Variants in WFDC1 observed in about 807,000 individuals in gnomAD.
WFDC1 encodes WAP four-disulfide core domain 1.
A neutral mutation model predicts 32.9 loss-of-function variants in WFDC1; 39 were observed. The ratio of observed to expected loss-of-function variants is 1.19; its 90% CI spans 0.92 to 1.55. WFDC1 has a LOEUF of 1.55. WFDC1 is among the 40% of genes most tolerant of loss of function. WFDC1 has a pLI of 0.00. For missense variants in WFDC1, 386 were observed against 309.5 expected, an observed-to-expected ratio of 1.25 and a Z score of -1.85; for synonymous variants, 184 against 137.4, an observed-to-expected ratio of 1.34 and a Z score of -2.37.
intron 1 of WFDC1, among the ~76,000 whole-genome samples, chr16:84,310,822 A>G (rs1460965729): frequency 6.6e-6 from 1 of 152,166 alleles, no homozygotes; most frequent in Non-Finnish European, 1.5e-5. Flanking sequence ...CCAACACCTT[A>G]AAGGCAGGTT....
intron 4 of WFDC1, among the ~76,000 whole-genome samples, chr16:84,320,053 G>T (rs1211110229): frequency 6.6e-6 from 1 of 152,182 alleles, no homozygotes; most frequent in South Asian, 2.1e-4. Flanking sequence ...TAGACTTTAC[G>T]CTGGTGCAGA....
chr16:84,313,301 G>A (rs932488500), intron 2 of WFDC1, 148 bp downstream of exon 2: 2 of 658,682 alleles, frequency 3.0e-6, no homozygotes, highest in African/African-American at 1.9e-5. Flanking sequence ...GAACTGGGAC[G>A]GGCGCTCCTT....
intron 4 of WFDC1, among the ~76,000 whole-genome samples, chr16:84,321,325 T>C (rs931491990): frequency 2.0e-5 from 3 of 152,232 alleles, no homozygotes; most frequent in Non-Finnish European, 4.4e-5. Flanking sequence ...ACTGCTTGTC[T>C]CTAGACACTC....
intron 4 of WFDC1, among the ~76,000 whole-genome samples, chr16:84,322,145 C>CTGTGTGTGTGTGTG (rs751867533): frequency 7.3e-5 from 8 of 109,456 alleles, no homozygotes; most frequent in South Asian, 2.8e-4. Context: ...GCCTCAGAGC[C>CTGTGTGTGTGTGTG]TGTGTGTGTG....
chr16:84,298,717 C>T (rs372214154), intron 1 of WFDC1, among the ~76,000 whole-genome samples: 4 of 152,192 alleles, frequency 2.6e-5, no homozygotes, highest in African/African-American at 4.8e-5. Flanking sequence ...TTTTGTGTAG[C>T]GGACTGGTCT....
intron 4 of WFDC1, 87 bp from the exon 5 acceptor site, chr16:84,324,330 AAC>A: frequency 2.4e-6 from 3 of 1,262,380 alleles, no homozygotes; most frequent in East Asian, 4.6e-5. Context: ...GAGACTGAAA[AAC>A]ACAAGTAATT....
At chr16:84,314,947 C>A (rs1907862511) in intron 2 of WFDC1, among the ~76,000 whole-genome samples, 2 of 152,254 alleles carry the variant, frequency 1.3e-5, no homozygotes, top group Non-Finnish European at 2.9e-5. Flanking sequence ...CATCTCGTTT[C>A]ACGCTCACAC....
intron 1 of WFDC1, among the ~76,000 whole-genome samples, chr16:84,312,021 C>T (rs927027520): frequency 6.6e-6 from 1 of 151,872 alleles, no homozygotes; most frequent in Admixed American, 6.6e-5. Flanking sequence ...CAAAATTAGC[C>T]GGGTGTGGTG....
chr16:84,324,666 C>G (rs1908484884), intron 5 of WFDC1, among the ~76,000 whole-genome samples: 1 of 152,218 alleles, frequency 6.6e-6, no homozygotes, highest in African/African-American at 2.4e-5. Context: ...AACATGACCT[C>G]ATGCTGAAGA....
intron 1 of WFDC1, among the ~76,000 whole-genome samples, chr16:84,298,203 G>C (rs1447895653): frequency 6.6e-6 from 1 of 151,906 alleles, no homozygotes; most frequent in Non-Finnish European, 1.5e-5. Flanking sequence ...CACCTCCCCG[G>C]CTCAAGTGAT....
Position 84,313,100 on chromosome 16 carries a change from G to T in WFDC1, c.284G>T (p.Cys95Phe). 1 of 1,438,014 alleles carries T rather than the reference G, an allele frequency of 7.0e-7. No homozygotes were observed. The allele number at this position is 1,438,014 out of a possible 1,614,324, so 89.1% of individuals were successfully genotyped here. A position where few individuals can be genotyped will look rare whatever the true frequency, so the allele number is the denominator to read the frequency against. ...TCCGAGTGCCCGCGGCACCGGCGCT[G>T]CTGCTACAACGGATGCGCCTACGCC... ...ADSECPRHRR[C>F]CYNGCAYACL... is the part of the protein sequence containing the mutation. The change falls in exon 2 of 7, where the codon TGC becomes TTC. Residue 95 changes from cysteine to phenylalanine, a missense_variant. Transcript: ENST00000219454.
intron 3 of WFDC1, 97 bp from the exon 4 acceptor site, chr16:84,319,334 C>T: frequency 1.3e-6 from 2 of 1,517,520 alleles, no homozygotes; most frequent in South Asian, 1.2e-5. Context: ...GAGGTGCGTT[C>T]CCTGCACCCG....
intron 5 of WFDC1, chr16:84,325,885 T>A (rs56016445): frequency 0.59 from 88,784 of 151,724 alleles, 26,586 homozygotes; most frequent in East Asian, 0.71. Flanking sequence ...CATTCATCCA[T>A]TCATGCACAT....
At chr16:84,315,198 C>G (rs1250053147) in intron 2 of WFDC1, among the ~76,000 whole-genome samples, 1 of 152,222 alleles carries the variant, frequency 6.6e-6, no homozygotes, top group Admixed American at 6.5e-5. Context: ...TCCCATGGCT[C>G]ACTTCCTTGC....
At chr16:84,299,033 C>T (rs1452578079) in intron 1 of WFDC1, among the ~76,000 whole-genome samples, 1 of 152,184 alleles carries the variant, frequency 6.6e-6, no homozygotes, top group Non-Finnish European at 1.5e-5. Flanking sequence ...GCATTCCCTA[C>T]ATGTGCACTA....
Position 84,329,503 on chromosome 16 carries a change from A to G in WFDC1, c.*197A>G, listed in dbSNP as rs1227508877. ...CTGGTTGGGTGACTTTGTGGGAGCCACTTAACAGCTCTGGGTCCCTGTTTT... is the reference window on the plus strand; with the variant it reads ...CTGGTTGGGTGACTTTGTGGGAGCCGCTTAACAGCTCTGGGTCCCTGTTTT... On this transcript the variant is annotated 3_prime_UTR_variant, in exon 7 of 7. Coordinates refer to ENST00000219454, the MANE Select transcript of WFDC1 (RefSeq NM_021197.4). 6.6e-6 allele frequency: 1 copy of G among 152,094 alleles called. No homozygotes were observed. The highest frequency in any genetic ancestry group is 1.5e-5 in the Non-Finnish European group (1 of 68,020). 9.4% of individuals were successfully genotyped at this position (152,094 alleles called of 1,614,324 possible).
At chr16:84,327,109 T>G in intron 6 of WFDC1, 154 bp downstream of exon 6, 4 of 688,500 alleles carry the variant, frequency 5.8e-6, no homozygotes, top group Non-Finnish European at 1.0e-5. Flanking sequence ...AGTCCTCACC[T>G]AACGTCATCA....
intron 1 of WFDC1, among the ~76,000 whole-genome samples, chr16:84,298,852 C>T (rs1395476170): frequency 6.6e-6 from 1 of 152,212 alleles, no homozygotes; most frequent in Admixed American, 6.5e-5. Context: ...GGAGAAGCTT[C>T]TAATGAGAAG....
intron 6 of WFDC1, 119 bp downstream of exon 6, chr16:84,327,074 G>T: frequency 2.1e-6 from 2 of 963,454 alleles, no homozygotes; most frequent in Non-Finnish European, 3.2e-6. Flanking sequence ...CCTACTGGTA[G>T]AATTTGAAAT....
Sources: gnomAD v4.1 joint callset for allele counts (sites outside exome capture counted in the v4.1 genomes callset) on GRCh38, gnomAD v4.1.1 for gene constraint, MANE v1.5 for transcripts, NCBI Gene and HGNC (gene_info 2026-07-23, HGNC 2026-07-21) for gene names.